The following NDUFA9 variants were observed in gnomAD, a reference collection of about 807,000 sequenced individuals.
NDUFA9 encodes NADH dehydrogenase [ubiquinone] 1 alpha subcomplex subunit 9, mitochondrial.
In NDUFA9, 23 loss-of-function variants were observed where a neutral mutation model predicts 45.9. The observed-to-expected ratio is 0.50, with a 90% CI of 0.36 to 0.71. The LOEUF (loss-of-function observed/expected upper bound fraction) is 0.71, where lower values mean the gene tolerates loss of function less well. NDUFA9 is among the 30% of genes least tolerant of loss of function. The pLI is 0.00. For synonymous variants in NDUFA9, 176 were observed against 170.5 expected, an observed-to-expected ratio of 1.03 and a Z score of -0.25; for missense variants, 466 against 488.2, an observed-to-expected ratio of 0.95 and a Z score of 0.43.
intron 8 of NDUFA9, among the ~76,000 whole-genome samples, chr12:4,678,548 C>T (rs995770305): frequency 3.9e-5 from 6 of 152,070 alleles, no homozygotes; most frequent in Admixed American, 3.9e-4. Context: ...TTGTTAATTA[C>T]ATATCTGATA....
chr12:4,675,855 A>G (rs1945916593), intron 8 of NDUFA9, among the ~76,000 whole-genome samples: 1 of 152,216 alleles, frequency 6.6e-6, no homozygotes, highest in Non-Finnish European at 1.5e-5. Context: ...GAGACAGCAA[A>G]AAAAGAAAAT....
At chr12:4,680,372 G>C (rs1053556531) in intron 8 of NDUFA9, among the ~76,000 whole-genome samples, 1 of 152,158 alleles carries the variant, frequency 6.6e-6, no homozygotes, top group African/African-American at 2.4e-5. Flanking sequence ...AAGTATAGTG[G>C]GTAGGGGCCT....
chr12:4,684,266 G>A (rs1308205396), intron 9 of NDUFA9, among the ~76,000 whole-genome samples: 2 of 152,178 alleles, frequency 1.3e-5, no homozygotes, highest in East Asian at 1.9e-4. Context: ...TTTATACTAT[G>A]CATTAGAATG....
Position 4,674,524 on chromosome 12 carries a change from T to C in NDUFA9, c.800+4707T>C, listed in dbSNP as rs190069735. 2.8e-4 allele frequency among the ~76,000 whole-genome samples: 42 copies of C among 152,208 alleles called. No individual in the cohort carries two copies. In the Middle Eastern group the frequency reaches 0.01, roughly 37 times the overall value. On this transcript the variant is annotated intron_variant, in intron 8 of 10. Transcript: ENST00000266544. ...AAGCAAAAAAAGGCAGGAGTTGCAA[T>C]CCTACTCTGATAAAACAGACTTTAA...
intron 3 of NDUFA9, 69 bp downstream of exon 3, chr12:4,654,991 G>A (rs1369536190): frequency 1.6e-6 from 2 of 1,283,510 alleles, no homozygotes; most frequent in African/African-American, 1.5e-5. Flanking sequence ...GGAGTGATAG[G>A]CAGTATAATA....
At chr12:4,662,512 G>T (rs763340151) in intron 5 of NDUFA9, 21 bp from the exon 6 acceptor site, 3 of 1,589,846 alleles carry the variant, frequency 1.9e-6, no homozygotes, top group Admixed American at 3.3e-5. Context: ...CTCAAAACAG[G>T]TTTGTTTGGT....
rs370837601 is a variant in NDUFA9 at position 4,652,980 on chromosome 12, A to C, written c.50-1312A>C. Among the ~76,000 whole-genome samples the C allele has an allele frequency of 5.5e-4, 84 of 152,378 alleles. 2 individuals are homozygous for C. The highest frequency in any genetic ancestry group is 1.1e-3 in the African/African-American group (45 of 41,602). ...CTAGAAACAAACACAGATTTTCTAA[A>C]GAAAGTCCTGTTTGTGTCTTTCACC... is the stretch of plus-strand genomic sequence containing the variant. On this transcript the variant is annotated intron_variant, in intron 1 of 10. Transcript: ENST00000266544.
At chr12:4,653,153 C>A (rs566956505) in intron 1 of NDUFA9, among the ~76,000 whole-genome samples, 130 of 152,350 alleles carry the variant, frequency 8.5e-4, no homozygotes, top group African/African-American at 3.0e-3. Context: ...TTAGCAATAA[C>A]TTGAAAACTG....
At chr12:4,655,893 C>T (rs1040755165) in intron 3 of NDUFA9, 3 of 152,154 alleles carry the variant, frequency 2.0e-5, no homozygotes, top group African/African-American at 7.2e-5. Flanking sequence ...TCCTACGGAG[C>T]ACAGGACAGT....
intron 4 of NDUFA9, among the ~76,000 whole-genome samples, 199 bp from the exon 5 acceptor site, chr12:4,658,837 G>A (rs534584275): frequency 6.6e-6 from 1 of 152,138 alleles, no homozygotes; most frequent in Admixed American, 6.5e-5. Context: ...TGATTCACCC[G>A]CCTTGGCCTC....
At chr12:4,683,399 CA>C (rs1329845273) in intron 9 of NDUFA9, among the ~76,000 whole-genome samples, 4 of 152,140 alleles carry the variant, frequency 2.6e-5, no homozygotes, top group African/African-American at 9.7e-5. Flanking sequence ...ATTCATTCAA[CA>C]AATGTTTATT....
chr12:4,669,974 T>C (rs780607632), intron 8 of NDUFA9, among the ~76,000 whole-genome samples, 157 bp downstream of exon 8: 5 of 152,226 alleles, frequency 3.3e-5, no homozygotes, highest in Non-Finnish European at 5.9e-5. Flanking sequence ...TGGAATCTAC[T>C]TTAATGAATG....
intron 1 of NDUFA9, 24 bp downstream of exon 1, chr12:4,649,199 C>T (rs373984591): frequency 1.3e-6 from 2 of 1,595,446 alleles, no homozygotes; most frequent in South Asian, 2.3e-5. Flanking sequence ...GGAACGGCGG[C>T]CCCTGGTCGG....
chr12:4,656,834 T>C (rs551718278), intron 3 of NDUFA9, among the ~76,000 whole-genome samples: 58 of 152,362 alleles, frequency 3.8e-4, no homozygotes, highest in Non-Finnish European at 4.1e-4. Flanking sequence ...GGATTTGCAT[T>C]CCTGTCTGTT....
chr12:4,683,180 C>CAA (rs60769758), intron 9 of NDUFA9, among the ~76,000 whole-genome samples: 135 of 138,772 alleles, frequency 9.7e-4, no homozygotes, highest in Middle Eastern at 3.7e-3. Context: ...GTCTCTGGAA[C>CAA]AAAAAAAAAA....
Position 4,688,010 on chromosome 12 carries a change from A to G in NDUFA9, c.*902A>G, listed in dbSNP as rs2137491255. On this transcript the variant is annotated 3_prime_UTR_variant, in exon 11 of 11. Transcript: ENST00000266544. Reference sequence around the variant, plus strand: ...GGGATGTCAGTAAAAACGCTGTTTGATGAGGGAATGCCCGTCTCCTTACAG... The same window carrying G: ...GGGATGTCAGTAAAAACGCTGTTTGGTGAGGGAATGCCCGTCTCCTTACAG... 2 of 152,308 alleles carry G rather than the reference A, an allele frequency of 1.3e-5. 1 individual carries two copies. The highest frequency in any genetic ancestry group is 4.1e-4 in the South Asian group (2 of 4,820). 9.4% of individuals were successfully genotyped at this position (152,308 alleles called of 1,614,324 possible).
At chr12:4,655,639 A>C (rs1280774696) in intron 3 of NDUFA9, 1 of 152,212 alleles carries the variant, frequency 6.6e-6, no homozygotes, top group African/African-American at 2.4e-5. Flanking sequence ...TAAAAAAATC[A>C]CAAATAGGGT....
rs1467985336 is a variant in NDUFA9 at position 4,654,309 on chromosome 12, A to G, written c.67A>G (p.Ile23Val). 1.9e-6 allele frequency: 3 copies of G among 1,613,872 alleles called. No individual in the cohort carries two copies. Among genetic ancestry groups the G allele is most frequent in the East Asian group, 2.2e-5 (1 of 44,888 alleles). The change falls in exon 2 of 11, where the codon ATA becomes GTA. Residue 23 changes from isoleucine (I) to valine (V), a missense_variant. Transcript: ENST00000266544. Reference sequence around the variant, plus strand: ...TGTTTAAGGTTCTGCCATTACTGCAATAGCCACATCTGTGTGTCACGGCCC... The same window carrying G: ...TGTTTAAGGTTCTGCCATTACTGCAGTAGCCACATCTGTGTGTCACGGCCC... The part of the protein sequence containing the change: ...LSMSRSAITA[I>V]ATSVCHGPPC...
rs768716729 is a variant in NDUFA9, at chr12:4,657,826, G to C, written c.397G>C (p.Asp133His). Residue 133 changes from aspartate to histidine, a missense_variant, in exon 4 of 11, where the codon GAC becomes CAC. Transcript: ENST00000266544. Reference protein sequence around the residue: ...SNVVINLIGRDWETKNFDFED... With the variant: ...SNVVINLIGRHWETKNFDFED... Reference sequence around the variant, plus strand: ...TGTGGTCATCAATCTTATTGGACGAGACTGGGAAACCAAGTAAGTCTTTGA... The same window carrying C: ...TGTGGTCATCAATCTTATTGGACGACACTGGGAAACCAAGTAAGTCTTTGA... 1.4e-5 allele frequency: 23 copies of C among 1,612,616 alleles called. No individual in the cohort carries two copies. The East Asian group carries it at 4.7e-4, about 33-fold the overall frequency.
Sources: allele counts gnomAD v4.1 joint callset (sites outside exome capture counted in the v4.1 genomes callset), GRCh38; gene constraint gnomAD v4.1.1; transcripts MANE v1.5; gene names NCBI Gene and HGNC (gene_info 2026-07-23, HGNC 2026-07-21).